Variants in NPAS2 observed in about 807,000 individuals in gnomAD.
The protein encoded by NPAS2 is neuronal PAS domain-containing protein 2.
A neutral mutation model predicts 107.5 loss-of-function variants in NPAS2; 23 were observed. The observed-to-expected ratio is 0.21, with a 90% CI of 0.15 to 0.30. The LOEUF (loss-of-function observed/expected upper bound fraction) is 0.30. NPAS2 is among the 10% of genes least tolerant of loss of function. The pLI, the probability that NPAS2 is intolerant of heterozygous loss-of-function variation, is 1.00. For synonymous variants in NPAS2, 403 were observed against 417.5 expected (o/e 0.97, Z 0.42); for missense variants, 756 against 1,043.3 (o/e 0.72, Z 3.79).
chr2:100,975,043 G>T (rs1194045323), intron 13 of NPAS2, 99 bp downstream of exon 13: 2 of 1,348,538 alleles, frequency 1.5e-6, no homozygotes, highest in African/African-American at 1.5e-5. Flanking sequence ...AGGGCAGTCT[G>T]TGCCTCCGAC....
At position 100,995,966 on chromosome 2, in the gene NPAS2, T is replaced by C. The variant is rs976405074; in HGVS notation, c.*384T>C. 7.6e-7 allele frequency: 1 copy of C among 1,321,022 alleles called. No individual in the cohort carries two copies. The highest frequency in any genetic ancestry group is 1.5e-5 in the African/African-American group (1 of 67,242). The allele number at this position is 1,321,022 out of a possible 1,614,324, so 81.8% of individuals were successfully genotyped here. The stretch of plus-strand genomic sequence containing the variant: ...TCTGCGCTAGCTGGCCTTCACGCTC[T>C]TGATCGTCTTTCCTTTGTATTGGAG... On this transcript the variant is annotated 3_prime_UTR_variant, in exon 21 of 21. Transcript: ENST00000335681.
intron 7 of NPAS2, among the ~76,000 whole-genome samples, chr2:100,963,214 A>C (rs1573733526): frequency 6.6e-6 from 1 of 152,034 alleles, no homozygotes; most frequent in Non-Finnish European, 1.5e-5. Flanking sequence ...AGGCCCTTGA[A>C]CCCCAGGTAT....
intron 1 of NPAS2, among the ~76,000 whole-genome samples, chr2:100,871,435 A>G (rs1679580620): frequency 6.7e-6 from 1 of 150,116 alleles, no homozygotes; most frequent in African/African-American, 2.5e-5. Flanking sequence ...GATTCAAGCG[A>G]TTCTTGCACC....
intron 19 of NPAS2, among the ~76,000 whole-genome samples, chr2:100,992,826 G>A (rs1044933828): frequency 1.3e-5 from 2 of 152,080 alleles, no homozygotes; most frequent in African/African-American, 4.8e-5. Context: ...TCTGTTATCG[G>A]TCTCTTATTA....
intron 1 of NPAS2, among the ~76,000 whole-genome samples, chr2:100,886,312 T>A (rs1361508335): frequency 1.3e-5 from 2 of 152,104 alleles, no homozygotes; most frequent in African/African-American, 4.8e-5. Context: ...CAAGCCAAGG[T>A]CTCCTATCCA....
chr2:100,821,075 G>A (rs541370671), intron 1 of NPAS2: 2 of 1,304,360 alleles, frequency 1.5e-6, no homozygotes, highest in African/African-American at 1.5e-5. Flanking sequence ...CCCAGCCGAG[G>A]AGGGACGCAC....
chr2:100,829,822 T>C (rs1676617558), intron 1 of NPAS2, among the ~76,000 whole-genome samples: 1 of 152,168 alleles, frequency 6.6e-6, no homozygotes, highest in Non-Finnish European at 1.5e-5. Context: ...TCATAAGAAA[T>C]GTTAATCACC....
chr2:100,839,675 A>C (rs1172801470), intron 1 of NPAS2, among the ~76,000 whole-genome samples: 1 of 152,162 alleles, frequency 6.6e-6, no homozygotes, highest in Non-Finnish European at 1.5e-5. Context: ...TTTCAACTTC[A>C]TGAGAGTTGG....
chr2:100,837,042 C>T (rs919553363), intron 1 of NPAS2, among the ~76,000 whole-genome samples: 3 of 152,010 alleles, frequency 2.0e-5, no homozygotes, highest in African/African-American at 7.3e-5. Context: ...TAAATTACAT[C>T]GCTTACAGAC....
intron 1 of NPAS2, among the ~76,000 whole-genome samples, chr2:100,832,146 G>A (rs1382911019): frequency 6.6e-6 from 1 of 152,148 alleles, no homozygotes; most frequent in African/African-American, 2.4e-5. Context: ...TGCACCTCAT[G>A]TAGGGTAGGC....
Position 100,862,627 on chromosome 2 carries a change from A to G in NPAS2, c.-22-42106A>G, listed in dbSNP as rs145350615. Among the ~76,000 whole-genome samples the G allele has an allele frequency of 6.6e-5, 10 of 152,304 alleles. No individual in the cohort carries two copies. The South Asian group carries it at 1.2e-3, about 19-fold the overall frequency. ...CCTCAGTAGACTAGAAAAGGTTTTC[A>G]GGTTTGCCCAGGTTATCCACACGTA... On this transcript the variant is annotated intron_variant, in intron 1 of 20. Transcript: ENST00000335681.
chr2:100,951,879 G>A (rs1675242436), intron 7 of NPAS2, among the ~76,000 whole-genome samples: 1 of 152,174 alleles, frequency 6.6e-6, no homozygotes, highest in Admixed American at 6.5e-5. Flanking sequence ...GCCAGGCGCG[G>A]TGGCTCACAC....
chr2:100,819,777 C>T (rs1387631117), upstream of NPAS2, among the ~76,000 whole-genome samples: 1 of 139,932 alleles, frequency 7.1e-6, no homozygotes, highest in Non-Finnish European at 1.5e-5. The surrounding 1 kb of genome is among the most constrained non-coding windows in gnomAD (Gnocchi z 5.8). Context: ...TGGGCCGGCT[C>T]ACCTGGAAGC....
intron 5 of NPAS2, among the ~76,000 whole-genome samples, chr2:100,942,857 T>A (rs1674657561): frequency 2.6e-5 from 4 of 152,230 alleles, no homozygotes; most frequent in Admixed American, 2.6e-4. Flanking sequence ...TCTTGTGACT[T>A]CTCCTTTTGC....
chr2:100,925,409 CCGGT>C, intron 3 of NPAS2, 115 bp downstream of exon 3: 1 of 1,131,852 alleles, frequency 8.8e-7, no homozygotes, highest in Non-Finnish European at 1.3e-6. Context: ...CCCAGCCTTA[CCGGT>C]CGAGGGCTTC....
Position 100,954,676 on chromosome 2 carries a change from AAAAAG to A in NPAS2, c.598+5201_598+5205del, listed in dbSNP as rs765348440. On this transcript the variant is annotated intron_variant, in intron 7 of 20. Coordinates refer to ENST00000335681, the MANE Select transcript of NPAS2 (RefSeq NM_002518.4). ...TAAAACTGTGTCTCAAAAAAAAAAA[AAAAAG>A]AAAAAAAAGAAAAGAAAAAAGAAAC... Among the ~76,000 whole-genome samples, 34 of 78,876 alleles carry A rather than the reference AAAAAG, an allele frequency of 4.3e-4. 1 individual carries two copies. Among genetic ancestry groups the A allele is most frequent in the African/African-American group, 1.7e-3 (30 of 17,610 alleles). The allele number at this position is 78,876 out of a possible 152,430, so 51.7% of individuals were successfully genotyped here.
intron 1 of NPAS2, among the ~76,000 whole-genome samples, chr2:100,888,591 T>G (rs1464694843): frequency 2.0e-5 from 3 of 152,224 alleles, no homozygotes; most frequent in African/African-American, 7.2e-5. Context: ...GCTATATTGC[T>G]GCCTGTGAAC....
At chr2:100,898,586 AGAG>A in intron 1 of NPAS2, among the ~76,000 whole-genome samples, 1 of 152,340 alleles carries the variant, frequency 6.6e-6, no homozygotes, top group Admixed American at 6.5e-5. Context: ...TTTAAACAAC[AGAG>A]GAGTTATATT....
intron 1 of NPAS2, among the ~76,000 whole-genome samples, chr2:100,824,184 T>TA: frequency 6.6e-6 from 1 of 152,254 alleles, no homozygotes; most frequent in Admixed American, 6.5e-5. Context: ...GTTCACCAAT[T>TA]AGAGATTCAA....
Sources: gnomAD v4.1 joint callset for allele counts (sites outside exome capture counted in the v4.1 genomes callset) on GRCh38, gnomAD v4.1.1 for gene constraint, Gnocchi (gnomAD v3.1) non-coding constraint, MANE v1.5 for transcripts, NCBI Gene and HGNC (gene_info 2026-07-23, HGNC 2026-07-21) for gene names.